STPG2: variants seen among roughly 807,000 people sequenced by gnomAD.
The protein encoded by STPG2 is sperm-tail PG-rich repeat-containing protein 2.
Under a neutral mutation model 54.2 loss-of-function variants are expected in STPG2, and 56 were observed. The observed-to-expected ratio is 1.03, with a 90% CI of 0.83 to 1.29. The LOEUF (loss-of-function observed/expected upper bound fraction) is 1.29, where lower values mean the gene tolerates loss of function less well. Among genes scored for constraint, STPG2 ranks in the 50% most tolerant of loss-of-function variants. The probability of loss-of-function intolerance (pLI) is 0.00; values close to 1 mark genes in which losing one functional copy is unlikely to be tolerated. For missense variants in STPG2, 596 were observed against 544.9 expected, an observed-to-expected ratio of 1.09 and a Z score of -0.93; for synonymous variants, 200 against 181.8, an observed-to-expected ratio of 1.10 and a Z score of -0.81.
chr4:97,995,599 G>A (rs890746177), intron 5 of STPG2, among the ~76,000 whole-genome samples: 1 of 152,140 alleles, frequency 6.6e-6, no homozygotes, highest in African/African-American at 2.4e-5. Flanking sequence ...ATTGGGAAAA[G>A]ACTAGCACAC....
intron 10 of STPG2, among the ~76,000 whole-genome samples, chr4:97,591,431 T>C (rs1733144150): frequency 6.6e-6 from 1 of 152,196 alleles, no homozygotes; most frequent in African/African-American, 2.4e-5. Context: ...TTATATATTA[T>C]TTCCATGTGA....
intron 4 of STPG2, among the ~76,000 whole-genome samples, chr4:97,548,943 A>G (rs1185536995): frequency 2.0e-5 from 3 of 152,256 alleles, no homozygotes; most frequent in Non-Finnish European, 2.9e-5. Context: ...GTATTTTTTA[A>G]TACCTGAAAA....
chr4:98,078,824 T>C (rs1738251920), intron 5 of STPG2, among the ~76,000 whole-genome samples: 1 of 152,172 alleles, frequency 6.6e-6, no homozygotes, highest in African/African-American at 2.4e-5. Context: ...AGACTGATTA[T>C]ATATACATAT....
intron 9 of STPG2, among the ~76,000 whole-genome samples, chr4:97,731,204 G>T (rs976677432): frequency 6.6e-6 from 1 of 152,050 alleles, no homozygotes; most frequent in African/African-American, 2.4e-5. Flanking sequence ...TTCCCTTGAG[G>T]GTTTGACTGT....
chr4:97,471,967 C>T (rs1163689228), intron 4 of STPG2, among the ~76,000 whole-genome samples: 1 of 152,070 alleles, frequency 6.6e-6, no homozygotes, highest in Non-Finnish European at 1.5e-5. Flanking sequence ...TTTAAATATA[C>T]ATCACACAAA....
chr4:97,917,489 C>T (rs1731925105), intron 8 of STPG2: 1 of 151,968 alleles, frequency 6.6e-6, no homozygotes. Flanking sequence ...CACCAGCAAA[C>T]AATAAATGAC....
chr4:97,795,471 T>A (rs1012316575), intron 9 of STPG2, among the ~76,000 whole-genome samples: 9 of 152,200 alleles, frequency 5.9e-5, no homozygotes, highest in Non-Finnish European at 1.2e-4. Flanking sequence ...CTTGTGATAG[T>A]TTGCTGAGAA....
At chr4:97,674,767 G>A (rs1229810879) in intron 10 of STPG2, among the ~76,000 whole-genome samples, 1 of 152,088 alleles carries the variant, frequency 6.6e-6, no homozygotes, top group Non-Finnish European at 1.5e-5. Context: ...TTCAAAATAT[G>A]TATTTTCAAA....
chr4:97,538,478 G>A (rs553819272), intron 4 of STPG2, among the ~76,000 whole-genome samples: 10 of 152,266 alleles, frequency 6.6e-5, no homozygotes, highest in East Asian at 1.9e-4. Flanking sequence ...GAAGCAAGAA[G>A]AGAAGTTCAG....
intron 7 of STPG2, among the ~76,000 whole-genome samples, chr4:97,952,838 T>C (rs57396208): frequency 0.13 from 19,714 of 152,160 alleles, 1,980 homozygotes; most frequent in African/African-American, 0.27. Context: ...ACAATAGTGA[T>C]AGCAGAGGTC....
chr4:97,601,642 T>C (rs1733465357), intron 10 of STPG2, among the ~76,000 whole-genome samples: 1 of 151,932 alleles, frequency 6.6e-6, no homozygotes, highest in East Asian at 1.9e-4. Context: ...CTGTTTCATA[T>C]CAAGGATCCA....
At chr4:97,762,421 C>A (rs1725916126) in intron 9 of STPG2, among the ~76,000 whole-genome samples, 1 of 152,120 alleles carries the variant, frequency 6.6e-6, no homozygotes, top group Non-Finnish European at 1.5e-5. Context: ...ACAGAAGGGA[C>A]AGGAGAATGT....
At position 97,897,484 on chromosome 4, in the gene STPG2, T is replaced by C. The variant is rs1400462775; in HGVS notation, c.1044+46413A>G. ...TTAGGTCTTTGAAAAATCACCACCC[T>C]GTCTTCCACAATAGTTGAACTAATT... On this transcript the variant is annotated intron_variant, in intron 8 of 10. Transcript: ENST00000295268. Among the ~76,000 whole-genome samples the C allele has an allele frequency of 5.9e-5, 9 of 152,158 alleles. 1 individual carries two copies. The highest frequency in any genetic ancestry group is 4.6e-4 in the Admixed American group (7 of 15,262).
intron 10 of STPG2, among the ~76,000 whole-genome samples, chr4:97,686,607 G>T (rs1377142419): frequency 4.6e-5 from 7 of 151,914 alleles, no homozygotes; most frequent in Admixed American, 6.6e-5. Flanking sequence ...ATGAGTATTC[G>T]TTCACATACT....
intron 9 of STPG2, among the ~76,000 whole-genome samples, chr4:97,731,915 C>T (rs947037048): frequency 4.6e-5 from 7 of 152,304 alleles, no homozygotes; most frequent in African/African-American, 1.4e-4. Flanking sequence ...TGTCCTTTGG[C>T]CCCCATGGGG....
At chr4:98,124,809 T>A (rs1012485003) in intron 3 of STPG2, among the ~76,000 whole-genome samples, 7 of 152,188 alleles carry the variant, frequency 4.6e-5, no homozygotes, top group African/African-American at 1.7e-4. Context: ...CTTTCATGTA[T>A]GCCAGTCAGT....
At chr4:97,528,483 G>C (rs1339103809) in intron 4 of STPG2, among the ~76,000 whole-genome samples, 1 of 152,066 alleles carries the variant, frequency 6.6e-6, no homozygotes, top group Non-Finnish European at 1.5e-5. Flanking sequence ...GGCTATAAGG[G>C]CTCTTTTTGG....
chr4:97,817,413 A>C (rs990756015), intron 9 of STPG2, among the ~76,000 whole-genome samples: 1 of 152,060 alleles, frequency 6.6e-6, no homozygotes, highest in Non-Finnish European at 1.5e-5. Flanking sequence ...GTCACGATAA[A>C]ATTGTAAGAA....
intron 10 of STPG2, among the ~76,000 whole-genome samples, chr4:97,579,176 C>T (rs1278199760): frequency 7.2e-5 from 11 of 151,954 alleles, no homozygotes. Flanking sequence ...TTAGTTATGG[C>T]TATTAAATGA....
Sources: gnomAD v4.1 joint callset for allele counts (sites outside exome capture counted in the v4.1 genomes callset) on GRCh38, gnomAD v4.1.1 for gene constraint, MANE v1.5 for transcripts, NCBI Gene and HGNC (gene_info 2026-07-23, HGNC 2026-07-21) for gene names.